The following IPCEF1 variants were observed in gnomAD, a reference collection of about 807,000 sequenced individuals.
IPCEF1 encodes interactor protein for cytohesin exchange factors 1.
IPCEF1 carries 31 observed loss-of-function variants against 50.9 expected under a neutral mutation model. That is an observed-to-expected ratio of 0.61 (90% CI 0.46 to 0.82). The LOEUF (loss-of-function observed/expected upper bound fraction) is 0.82, where lower values mean the gene tolerates loss of function less well. Among genes scored for constraint, IPCEF1 ranks in the 40% least tolerant of loss-of-function variants. IPCEF1 has a pLI of 0.00. For missense variants in IPCEF1, 458 were observed against 514.0 expected (o/e 0.89, Z 1.05); for synonymous variants, 181 against 192.0 (o/e 0.94, Z 0.47).
chr6:154,313,078 A>AAAAAAAAAAAAAAAAAAAAAAAAC (rs1554223579), intron 1 of IPCEF1, among the ~76,000 whole-genome samples: 1 of 149,906 alleles, frequency 6.7e-6, no homozygotes, highest in African/African-American at 2.5e-5. Context: ...AAAAAAAAAA[A>AAAAAAAAAAAAAAAAAAAAAAAAC]AAAAAAAACA....
intron 1 of IPCEF1, among the ~76,000 whole-genome samples, chr6:154,326,465 A>G (rs751692210): frequency 3.7e-4 from 57 of 152,008 alleles, no homozygotes; most frequent in Non-Finnish European, 5.3e-4. Context: ...CCCATTCACA[A>G]TTGCTACAAA....
At chr6:154,247,596 T>A in intron 3 of IPCEF1, 108 bp from the exon 4 acceptor site, 1 of 870,616 alleles carries the variant, frequency 1.1e-6, no homozygotes. Flanking sequence ...GGATGGAATC[T>A]AAAAAAAAAC....
At chr6:154,220,176 T>C (rs1342838987) in intron 7 of IPCEF1, among the ~76,000 whole-genome samples, 1 of 152,184 alleles carries the variant, frequency 6.6e-6, no homozygotes, top group Non-Finnish European at 1.5e-5. Flanking sequence ...GGAGGAATTA[T>C]GTGTGGGTTT....
At chr6:154,344,678 G>A (rs1197177400) in intron 1 of IPCEF1, among the ~76,000 whole-genome samples, 2 of 152,138 alleles carry the variant, frequency 1.3e-5, no homozygotes, top group Non-Finnish European at 2.9e-5. Flanking sequence ...AGAGCTCTGA[G>A]CCTGCATTTT....
At chr6:154,334,986 T>C (rs1238001787) in intron 1 of IPCEF1, among the ~76,000 whole-genome samples, 1 of 152,054 alleles carries the variant, frequency 6.6e-6, no homozygotes, top group Admixed American at 6.6e-5. Flanking sequence ...CCAAGAATAA[T>C]TGTTTTTTTC....
intron 11 of IPCEF1, among the ~76,000 whole-genome samples, chr6:154,165,833 G>A (rs1340902825): frequency 1.3e-5 from 2 of 152,248 alleles, no homozygotes; most frequent in East Asian, 3.8e-4. Flanking sequence ...TCTGAAAGAA[G>A]CCAGTTTCCA....
At chr6:154,339,657 G>T (rs533695998) in intron 1 of IPCEF1, among the ~76,000 whole-genome samples, 3 of 151,748 alleles carry the variant, frequency 2.0e-5, no homozygotes, top group Admixed American at 1.3e-4. Flanking sequence ...TGGTGCAATC[G>T]CAGCTCACTG....
chr6:154,160,132 A>G, intron 11 of IPCEF1, 92 bp from the exon 12 acceptor site: 1 of 945,968 alleles, frequency 1.1e-6, no homozygotes, highest in Non-Finnish European at 1.6e-6. Flanking sequence ...AAGTACACAT[A>G]TACATAAAAT....
chr6:154,215,629 T>A (rs1778333919), intron 7 of IPCEF1, among the ~76,000 whole-genome samples: 1 of 151,676 alleles, frequency 6.6e-6, no homozygotes, highest in Admixed American at 6.6e-5. Context: ...ATAAATAAAA[T>A]TTAAAAAAAT....
chr6:154,301,291 C>A (rs191784393), intron 1 of IPCEF1, among the ~76,000 whole-genome samples: 1 of 152,136 alleles, frequency 6.6e-6, no homozygotes, highest in African/African-American at 2.4e-5. Context: ...AGCATTCTTA[C>A]GTGGATCGTC....
chr6:154,225,077 T>A (rs1158096624), intron 5 of IPCEF1, among the ~76,000 whole-genome samples: 2 of 152,212 alleles, frequency 1.3e-5, no homozygotes, highest in Admixed American at 6.5e-5. Flanking sequence ...GCTTGGGGAC[T>A]GGAAGTGCCT....
At chr6:154,181,245 TA>T (rs1800841671) in intron 10 of IPCEF1, among the ~76,000 whole-genome samples, 1 of 152,226 alleles carries the variant, frequency 6.6e-6, no homozygotes, top group Admixed American at 6.5e-5. Flanking sequence ...AACATTGGCA[TA>T]GTATAATTTG....
chr6:154,252,053 C>T (rs1222269183), intron 3 of IPCEF1, among the ~76,000 whole-genome samples: 1 of 152,102 alleles, frequency 6.6e-6, no homozygotes, highest in Non-Finnish European at 1.5e-5. Flanking sequence ...ACTTGGTATA[C>T]AGCAGTATAT....
chr6:154,269,221 T>G (rs1383567468), intron 2 of IPCEF1, among the ~76,000 whole-genome samples: 2 of 152,246 alleles, frequency 1.3e-5, no homozygotes, highest in Non-Finnish European at 2.9e-5. Flanking sequence ...TCCAAATTTT[T>G]GTTTTGTAAA....
At position 154,223,201 on chromosome 6, in the gene IPCEF1, C is replaced by T. The variant is rs759945197; in HGVS notation, c.289G>A (p.Val97Met). The change falls in exon 6 of 12, where the codon GTG becomes ATG. Residue 97 changes from valine (V) to methionine (M), a missense_variant. Coordinates refer to ENST00000367220, the MANE Select transcript of IPCEF1 (RefSeq NM_001130700.2). ...TTCTTGCATTCAGATGCTCTTTCCA[C>T]AGTGAAATCAGGCAGGTTGACAAAT... The part of the protein sequence containing the change: ...DGFVNLPDFT[V>M]ERASECKKKH... 36 of 1,613,652 alleles carry T rather than the reference C, an allele frequency of 2.2e-5. No individual in the cohort carries two copies. Among genetic ancestry groups the T allele is most frequent in the Non-Finnish European group, 2.5e-5 (29 of 1,179,976 alleles).
chr6:154,180,406 A>ATT (rs1280413309), intron 10 of IPCEF1, among the ~76,000 whole-genome samples: 69 of 39,362 alleles, frequency 1.8e-3, no homozygotes, highest in Non-Finnish European at 1.2e-3. Context: ...ATATATATAT[A>ATT]TATATATATT....
intron 1 of IPCEF1, among the ~76,000 whole-genome samples, chr6:154,326,911 C>T (rs535606124): frequency 6.6e-6 from 1 of 152,250 alleles, no homozygotes; most frequent in East Asian, 1.9e-4. Context: ...AATAAGACCA[C>T]ACACCTACAT....
intron 1 of IPCEF1, among the ~76,000 whole-genome samples, chr6:154,342,753 C>T (rs1196485921): frequency 1.3e-5 from 2 of 152,260 alleles, no homozygotes; most frequent in South Asian, 2.1e-4. Context: ...TGAGCCACTG[C>T]GTCTAGCCTC....
In IPCEF1 at chr6:154,258,818, C is replaced by G. The variant is rs554381128; in HGVS notation, c.36+7094G>C. Among the ~76,000 whole-genome samples, 247 of 152,292 alleles carry G rather than the reference C, an allele frequency of 1.6e-3. 2 individuals are homozygous for G. The highest frequency in any genetic ancestry group is 5.8e-3 in the African/African-American group (240 of 41,562). Reference sequence around the variant, plus strand: ...TGCTTAAAATGCATCAATGACTGGCCAAGACTTCAAGACAGAATTGATGTT... The same window carrying G: ...TGCTTAAAATGCATCAATGACTGGCGAAGACTTCAAGACAGAATTGATGTT... On this transcript the variant is annotated intron_variant, in intron 3 of 11. Transcript: ENST00000367220.
Sources: allele counts gnomAD v4.1 joint callset (sites outside exome capture counted in the v4.1 genomes callset), GRCh38; gene constraint gnomAD v4.1.1; transcripts MANE v1.5; gene names NCBI Gene and HGNC (gene_info 2026-07-23, HGNC 2026-07-21).